PTPRK: variants seen among roughly 807,000 people sequenced by gnomAD.
The protein encoded by PTPRK is protein tyrosine phosphatase receptor type K.
In PTPRK, 75 loss-of-function variants were observed where a neutral mutation model predicts 178.0. The ratio of observed to expected loss-of-function variants is 0.42; its 90% CI spans 0.35 to 0.51. The LOEUF is 0.51. Ranked by LOEUF, PTPRK falls within the 20% of genes least tolerant of loss-of-function variation. The probability of loss-of-function intolerance (pLI) is 0.02; values close to 1 mark genes in which losing one functional copy is unlikely to be tolerated. For missense variants in PTPRK, 1,441 were observed against 1,797.8 expected, an observed-to-expected ratio of 0.80 and a Z score of 3.59; for synonymous variants, 637 against 620.6, an observed-to-expected ratio of 1.03 and a Z score of -0.39.
In PTPRK at chr6:128,396,147, C is replaced by A. The variant is rs76429928; in HGVS notation, c.223+1419G>T. On this transcript the variant is annotated intron_variant, in intron 2 of 29. Coordinates refer to ENST00000368226, the MANE Select transcript of PTPRK (RefSeq NM_002844.4). ...ATAAGCAGAATTAACATTTTCATTT[C>A]TAATGGCTATGTCTAAAATTGTCAT... Among the ~76,000 whole-genome samples, 926 of 151,550 alleles carry A rather than the reference C, an allele frequency of 6.1e-3. 10 individuals carry two copies. Among genetic ancestry groups the A allele is most frequent in the African/African-American group, 0.022 (895 of 41,412 alleles).
chr6:128,386,250 A>G (rs1049699819), intron 2 of PTPRK, among the ~76,000 whole-genome samples: 5 of 152,214 alleles, frequency 3.3e-5, no homozygotes, highest in African/African-American at 1.2e-4. Context: ...ATATAGTTTG[A>G]CAAATCAAGT....
chr6:127,992,539 A>G (rs1776725766), intron 19 of PTPRK, 134 bp downstream of exon 19: 2 of 641,612 alleles, frequency 3.1e-6, no homozygotes, highest in Non-Finnish European at 5.4e-6. Context: ...TATACAAATG[A>G]GTAAGGAGCA....
chr6:128,513,837 A>G (rs1024693625), intron 1 of PTPRK, among the ~76,000 whole-genome samples: 2 of 152,230 alleles, frequency 1.3e-5, no homozygotes, highest in Non-Finnish European at 2.9e-5. Flanking sequence ...CCTTGCAGTG[A>G]GGAATCCAAT....
chr6:128,362,203 G>C (rs947969712), intron 2 of PTPRK, among the ~76,000 whole-genome samples: 1 of 152,124 alleles, frequency 6.6e-6, no homozygotes, highest in African/African-American at 2.4e-5. Flanking sequence ...GAAAATAAAG[G>C]GGAAGCGGGC....
At chr6:128,359,905 T>A (rs1260038316) in intron 2 of PTPRK, among the ~76,000 whole-genome samples, 1 of 152,226 alleles carries the variant, frequency 6.6e-6, no homozygotes, top group Non-Finnish European at 1.5e-5. Flanking sequence ...GGTGGCATTA[T>A]CCTTTAGTCT....
At position 128,009,196 on chromosome 6, in the gene PTPRK, C is replaced by T; in HGVS notation, c.2267G>A (p.Gly756Glu). The T allele has an allele frequency of 6.2e-7, 1 of 1,608,726 alleles. No homozygotes were observed. Among genetic ancestry groups the T allele is most frequent in the East Asian group, 2.2e-5 (1 of 44,698 alleles). The change falls in exon 14 of 30, where the codon GGA (glycine) becomes GAA (glutamate). Residue 756 changes from glycine (G) to glutamate (E), a missense_variant. Gly to Glu is a moderately conservative substitution (Grantham distance 98). Transcript: ENST00000368226. ...GAACACCAAAATTCCAGCACTAATTCCTGCTATTTTCACCACTCTGTCTGT... is the reference window on the plus strand; with the variant it reads ...GAACACCAAAATTCCAGCACTAATTTCTGCTATTTTCACCACTCTGTCTGT... Reference protein sequence around the residue: ...KQTDRVVKIAGISAGILVFIL... With the variant: ...KQTDRVVKIAEISAGILVFIL...
chr6:128,406,211 C>A (rs1030182904), intron 1 of PTPRK, among the ~76,000 whole-genome samples: 1 of 151,942 alleles, frequency 6.6e-6, no homozygotes, highest in African/African-American at 2.4e-5. Context: ...CATGATCATA[C>A]CACTGCACTC....
At chr6:128,279,318 G>T (rs1470284111) in intron 3 of PTPRK, among the ~76,000 whole-genome samples, 2 of 151,772 alleles carry the variant, frequency 1.3e-5, no homozygotes, top group Admixed American at 6.6e-5. Flanking sequence ...ATTAACATAA[G>T]TCAGCCCCTA....
intron 13 of PTPRK, among the ~76,000 whole-genome samples, chr6:128,030,843 A>G (rs1775199077): frequency 6.6e-6 from 1 of 152,214 alleles, no homozygotes; most frequent in African/African-American, 2.4e-5. Context: ...GTCATTCTCT[A>G]CAGCCTATAC....
chr6:128,099,780 C>T (rs899682593), intron 7 of PTPRK, among the ~76,000 whole-genome samples: 1 of 151,946 alleles, frequency 6.6e-6, no homozygotes, highest in Non-Finnish European at 1.5e-5. Context: ...TCTGAAGCCA[C>T]CATTTATTTT....
At chr6:128,390,257 T>C (rs2128363371) in intron 2 of PTPRK, among the ~76,000 whole-genome samples, 1 of 152,280 alleles carries the variant, frequency 6.6e-6, no homozygotes, top group South Asian at 2.1e-4. Flanking sequence ...GCAGATAACA[T>C]ATGTGTTTCT....
chr6:128,238,185 C>CAAAAAAAAAAAAAAAAAAAAAAG, intron 5 of PTPRK: 1 of 203,784 alleles, frequency 4.9e-6, no homozygotes, highest in South Asian at 2.9e-5. Context: ...TAGCAAACGC[C>CAAAAAAAAAAAAAAAAAAAAAAG]AAAAAAAAAA....
chr6:128,134,936 T>C (rs1468460696), intron 7 of PTPRK, among the ~76,000 whole-genome samples: 2 of 152,080 alleles, frequency 1.3e-5, no homozygotes, highest in East Asian at 1.9e-4. Flanking sequence ...AGGTCCCTAG[T>C]AGAGGAAGAA....
intron 1 of PTPRK, among the ~76,000 whole-genome samples, chr6:128,470,620 C>G (rs555855364): frequency 1.9e-4 from 29 of 151,766 alleles, no homozygotes; most frequent in Admixed American, 4.6e-4. Context: ...CAGCTTTTTT[C>G]TATGTCAGAA....
At chr6:128,223,267 A>G (rs1029319941) in intron 5 of PTPRK, among the ~76,000 whole-genome samples, 2 of 152,032 alleles carry the variant, frequency 1.3e-5, no homozygotes, top group Non-Finnish European at 2.9e-5. Context: ...GACAAGAGTC[A>G]CATAAATCCT....
intron 6 of PTPRK, 38 bp downstream of exon 6, chr6:128,218,884 C>T (rs1198793706): frequency 7.1e-6 from 11 of 1,546,760 alleles, no homozygotes; most frequent in Non-Finnish European, 9.7e-6. Context: ...TCTAATAAAG[C>T]CATGCAATTT....
chr6:128,227,485 G>A (rs138529073), intron 5 of PTPRK, among the ~76,000 whole-genome samples: 148 of 152,284 alleles, frequency 9.7e-4, no homozygotes, highest in African/African-American at 3.2e-3. Context: ...GCAAGCTGCC[G>A]TATTTTAAAA....
chr6:128,516,051 C>T (rs574252317), intron 1 of PTPRK, among the ~76,000 whole-genome samples: 1 of 152,192 alleles, frequency 6.6e-6, no homozygotes, highest in African/African-American at 2.4e-5. Flanking sequence ...TTGGCATTAG[C>T]TTTGGTTAGT....
At chr6:128,503,842 T>TTGTG (rs57723685) in intron 1 of PTPRK, among the ~76,000 whole-genome samples, 4,540 of 139,904 alleles carry the variant, frequency 0.032, 103 homozygotes, top group East Asian at 0.094. Context: ...CTGGTTATTA[T>TTGTG]TGTGTGTGTG....
Sources: allele counts gnomAD v4.1 joint callset (sites outside exome capture counted in the v4.1 genomes callset), GRCh38; gene constraint gnomAD v4.1.1; transcripts MANE v1.5; gene names NCBI Gene and HGNC (gene_info 2026-07-23, HGNC 2026-07-21).